The following PDZRN3 variants were observed in gnomAD, a reference collection of about 807,000 sequenced individuals.
PDZRN3 encodes the protein E3 ubiquitin-protein ligase PDZRN3.
Under a neutral mutation model 85.7 loss-of-function variants are expected in PDZRN3, and 38 were observed. That is an observed-to-expected ratio of 0.44 (90% CI 0.34 to 0.58). The LOEUF is 0.58. Among genes scored for constraint, PDZRN3 ranks in the 20% least tolerant of loss-of-function variants. PDZRN3 has a pLI of 0.01. For missense variants in PDZRN3, 1,629 were observed against 1,506.4 expected (o/e 1.08, Z -1.35); for synonymous variants, 759 against 638.0 (o/e 1.19, Z -2.86).
intron 3 of PDZRN3, among the ~76,000 whole-genome samples, chr3:73,463,998 T>A (rs1404708875): frequency 6.6e-6 from 1 of 152,182 alleles, no homozygotes. Context: ...TTTATTTATT[T>A]ATTTTGAGAC....
Position 73,574,797 on chromosome 3 carries a change from G to A in PDZRN3, c.918+27557C>T, listed in dbSNP as rs530301691. ...AGTATCGACTAAATCTAAAAGATAAGAAGGTGCTTTTTACAACAAATTCAA... is the reference window on the plus strand; with the variant it reads ...AGTATCGACTAAATCTAAAAGATAAAAAGGTGCTTTTTACAACAAATTCAA... On this transcript the variant is annotated intron_variant, in intron 3 of 9. Coordinates refer to ENST00000263666, the MANE Select transcript of PDZRN3 (RefSeq NM_015009.3). Among the ~76,000 whole-genome samples the A allele has an allele frequency of 5.3e-5, 8 of 152,352 alleles. No homozygotes were observed. In the South Asian group the frequency reaches 1.7e-3, roughly 32 times the overall value.
chr3:73,417,317 T>A (rs565402696), intron 3 of PDZRN3, among the ~76,000 whole-genome samples: 2 of 152,228 alleles, frequency 1.3e-5, no homozygotes, highest in Admixed American at 1.3e-4. Flanking sequence ...GAAAACTGAA[T>A]AGAAGCCTGC....
intron 3 of PDZRN3, among the ~76,000 whole-genome samples, chr3:73,587,710 T>C (rs1480847986): frequency 1.3e-5 from 2 of 152,144 alleles, no homozygotes; most frequent in Admixed American, 6.5e-5. Flanking sequence ...ACATGAAAAG[T>C]TTAGCTCAGA....
At chr3:73,506,772 G>C (rs1338680482) in intron 3 of PDZRN3, among the ~76,000 whole-genome samples, 1 of 152,048 alleles carries the variant, frequency 6.6e-6, no homozygotes, top group Non-Finnish European at 1.5e-5. Context: ...CAGGCACGGT[G>C]GCTCATGCCT....
At chr3:73,529,215 A>C (rs1575712270) in intron 3 of PDZRN3, among the ~76,000 whole-genome samples, 1 of 152,244 alleles carries the variant, frequency 6.6e-6, no homozygotes. Flanking sequence ...CGGACTAAGA[A>C]ATCTCAAGAG....
intron 3 of PDZRN3, among the ~76,000 whole-genome samples, chr3:73,518,530 AT>A (rs936082283): frequency 6.6e-6 from 1 of 152,052 alleles, no homozygotes; most frequent in Non-Finnish European, 1.5e-5. Context: ...TACCACAATA[AT>A]TTTTTTAAAA....
At chr3:73,589,480 T>C (rs925840030) in intron 3 of PDZRN3, among the ~76,000 whole-genome samples, 1 of 152,226 alleles carries the variant, frequency 6.6e-6, no homozygotes, top group African/African-American at 2.4e-5. Context: ...TTTCCTTCCT[T>C]GTCCTTTTCC....
chr3:73,447,962 C>A (rs370444438), intron 3 of PDZRN3, among the ~76,000 whole-genome samples: 1 of 152,170 alleles, frequency 6.6e-6, no homozygotes, highest in South Asian at 2.1e-4. Flanking sequence ...TATAGATATG[C>A]CCTAAATATC....
intron 3 of PDZRN3, among the ~76,000 whole-genome samples, chr3:73,558,074 TG>T (rs201512038): frequency 0.022 from 3,343 of 152,244 alleles, 48 homozygotes; most frequent in Non-Finnish European, 0.033. Flanking sequence ...CTTTAATATA[TG>T]TTTTTTTTCT....
chr3:73,400,600 G>A (rs542559311), intron 5 of PDZRN3, among the ~76,000 whole-genome samples: 1 of 152,294 alleles, frequency 6.6e-6, no homozygotes, highest in African/African-American at 2.4e-5. Flanking sequence ...AGGGAGGAAG[G>A]TGAGGAGGCT....
At position 73,624,110 on chromosome 3, in the gene PDZRN3, C is replaced by A; in HGVS notation, c.716G>T (p.Gly239Val). ...SLSRCVAAPP[G>V]GKGEETKSLT... is the part of the protein sequence containing the mutation. ...CGGGCAGCAGGCGCCTACCTTGCCG[C>A]CGGGCGGCGCGGCCACGCAGCGGCT... is the stretch of plus-strand genomic sequence containing the variant. The change falls in exon 1 of 10, where the codon GGC becomes GTC. Residue 239 changes from glycine (G) to valine (V), a missense_variant. Physicochemically the swap from Gly to Val is moderately radical, Grantham distance 109 (BLOSUM62 -3). Coordinates refer to ENST00000263666, the MANE Select transcript of PDZRN3 (RefSeq NM_015009.3). The A allele has an allele frequency of 6.9e-7, 1 of 1,459,702 alleles. No homozygotes were observed. The highest frequency in any genetic ancestry group is 9.0e-7 in the Non-Finnish European group (1 of 1,114,182). 90.4% of individuals were successfully genotyped at this position (1,459,702 alleles called of 1,614,324 possible). A position where few individuals can be genotyped will look rare whatever the true frequency, so the allele number is the denominator to read the frequency against.
intron 3 of PDZRN3, among the ~76,000 whole-genome samples, chr3:73,521,463 A>G (rs932484818): frequency 6.6e-6 from 1 of 152,094 alleles, no homozygotes; most frequent in African/African-American, 2.4e-5. Flanking sequence ...CCTCCAGCAC[A>G]GCAGTGTGCA....
chr3:73,557,295 T>C (rs1701719619), intron 3 of PDZRN3, among the ~76,000 whole-genome samples: 1 of 152,238 alleles, frequency 6.6e-6, no homozygotes, highest in Admixed American at 6.5e-5. Context: ...ACAAGTATTC[T>C]TTATAAGACC....
At chr3:73,483,616 G>A (rs1270110342) in intron 3 of PDZRN3, among the ~76,000 whole-genome samples, 1 of 152,156 alleles carries the variant, frequency 6.6e-6, no homozygotes, top group Non-Finnish European at 1.5e-5. Context: ...TAAATTAATT[G>A]CATATGCTAC....
At chr3:73,595,546 A>ATTTCC (rs1702419264) in intron 3 of PDZRN3, among the ~76,000 whole-genome samples, 2 of 152,228 alleles carry the variant, frequency 1.3e-5, no homozygotes, top group African/African-American at 4.8e-5. Context: ...ATGAAAGAAA[A>ATTTCC]TGAAAAAATA....
chr3:73,383,828 G>T lies in PDZRN3; in HGVS notation c.2738C>A (p.Thr913Asn), dbSNP rs1311988450. The stretch of plus-strand genomic sequence containing the variant: ...CCACTCCATGCGCGGCTCCGACGGG[G>T]TGGGAGAGCTCAGGTCCTTGCACAT... ...VSMCKDLSSP[T>N]PSEPRMEWKV... The change falls in exon 10 of 10, where the codon ACC becomes AAC. Residue 913 changes from threonine (T) to asparagine (N), a missense_variant. Thr to Asn is a moderately conservative substitution (Grantham distance 65). Transcript: ENST00000263666. 6.2e-7 allele frequency: 1 copy of T among 1,613,476 alleles called. No individual in the cohort carries two copies. Among genetic ancestry groups the T allele is most frequent in the South Asian group, 1.1e-5 (1 of 91,086 alleles).
At chr3:73,550,702 C>T (rs1266601755) in intron 3 of PDZRN3, among the ~76,000 whole-genome samples, 1 of 152,088 alleles carries the variant, frequency 6.6e-6, no homozygotes, top group Non-Finnish European at 1.5e-5. Flanking sequence ...TGACGTCTAC[C>T]CAAAGATGTC....
chr3:73,486,552 T>C (rs910844280), intron 3 of PDZRN3, among the ~76,000 whole-genome samples: 2 of 152,234 alleles, frequency 1.3e-5, no homozygotes, highest in African/African-American at 2.4e-5. Flanking sequence ...ATAGAAGTGA[T>C]GGACGTAAGA....
intron 3 of PDZRN3, among the ~76,000 whole-genome samples, chr3:73,479,099 C>A (rs1202480833): frequency 2.6e-5 from 4 of 152,176 alleles, no homozygotes; most frequent in Non-Finnish European, 2.9e-5. Context: ...TCCTGTTCTA[C>A]CTTCAATAAT....
Sources: gnomAD v4.1 joint callset for allele counts (sites outside exome capture counted in the v4.1 genomes callset) on GRCh38, gnomAD v4.1.1 for gene constraint, MANE v1.5 for transcripts, NCBI Gene and HGNC (gene_info 2026-07-23, HGNC 2026-07-21) for gene names.